RARB: variants seen among roughly 807,000 people sequenced by gnomAD.
The protein encoded by RARB is HBV-activated protein.
RARB carries 17 observed loss-of-function variants against 51.9 expected under a neutral mutation model. That is an observed-to-expected ratio of 0.33 (90% CI 0.22 to 0.49). The LOEUF is 0.49. RARB is among the 20% of genes least tolerant of loss of function. RARB has a pLI of 0.99. For synonymous variants in RARB, 215 were observed against 195.4 expected, an observed-to-expected ratio of 1.10 and a Z score of -0.84; for missense variants, 369 against 550.8, an observed-to-expected ratio of 0.67 and a Z score of 3.30.
At chr3:24,856,958 T>C (rs750974828) in intron 1 of RARB, among the ~76,000 whole-genome samples, 5 of 152,152 alleles carry the variant, frequency 3.3e-5, no homozygotes, top group Non-Finnish European at 7.4e-5. Context: ...GTAGAGAAAA[T>C]GCACCAAAGC....
At chr3:24,835,062 A>T (rs1050688145) in intron 1 of RARB, among the ~76,000 whole-genome samples, 1 of 151,990 alleles carries the variant, frequency 6.6e-6, no homozygotes, top group East Asian at 1.9e-4. Flanking sequence ...TCACTCTTAT[A>T]TAAGCAAAAA....
At chr3:24,872,577 C>CAT (rs1702967378) in intron 2 of RARB, among the ~76,000 whole-genome samples, 1 of 152,118 alleles carries the variant, frequency 6.6e-6, no homozygotes, top group South Asian at 2.1e-4. Context: ...AGTTGTGACA[C>CAT]ATGCTGAAAG....
chr3:24,876,063 T>A (rs1252291406), intron 2 of RARB, among the ~76,000 whole-genome samples: 6 of 152,132 alleles, frequency 3.9e-5, no homozygotes, highest in Non-Finnish European at 8.8e-5. Context: ...TTAACTAGAG[T>A]TCCATGGAAG....
intron 5 of RARB, among the ~76,000 whole-genome samples, chr3:25,406,876 C>G (rs115795344): frequency 4.3e-4 from 66 of 152,276 alleles, no homozygotes; most frequent in South Asian, 1.0e-3. Context: ...TTGAGCTCAT[C>G]ATTCATACCA....
At chr3:24,925,454 G>A (rs1695298692) in intron 2 of RARB, among the ~76,000 whole-genome samples, 1 of 151,774 alleles carries the variant, frequency 6.6e-6, no homozygotes, top group Non-Finnish European at 1.5e-5. Flanking sequence ...ACCAGCCTGG[G>A]AAATACGGCA....
chr3:25,156,986 G>T (rs1439161675), intron 4 of RARB, among the ~76,000 whole-genome samples: 2 of 152,176 alleles, frequency 1.3e-5, no homozygotes, highest in African/African-American at 4.8e-5. Context: ...TCAGTCAGCG[G>T]AAATAATGAC....
chr3:25,210,528 T>TC (rs1701666591), intron 5 of RARB, among the ~76,000 whole-genome samples: 1 of 126,890 alleles, frequency 7.9e-6, no homozygotes. Context: ...TTTATCTGAT[T>TC]CTTTTTTTTT....
intron 2 of RARB, among the ~76,000 whole-genome samples, chr3:24,938,918 T>C (rs1695599844): frequency 6.6e-6 from 1 of 152,208 alleles, no homozygotes; most frequent in African/African-American, 2.4e-5. Context: ...TTAAGGCGAA[T>C]AATATGCCAT....
chr3:25,214,389 T>G (rs1701770118), intron 5 of RARB, among the ~76,000 whole-genome samples: 1 of 152,196 alleles, frequency 6.6e-6, no homozygotes, highest in African/African-American at 2.4e-5. Flanking sequence ...AGAATATGAG[T>G]GCTTATAATA....
chr3:25,520,799 C>T (rs1188153265), intron 3 of RARB, among the ~76,000 whole-genome samples: 1 of 152,308 alleles, frequency 6.6e-6, no homozygotes, highest in Non-Finnish European at 1.5e-5. Flanking sequence ...CAGCTCATGA[C>T]AAACTTATTA....
intron 2 of RARB, among the ~76,000 whole-genome samples, chr3:24,909,755 G>T (rs1472745099): frequency 1.3e-5 from 2 of 152,068 alleles, no homozygotes; most frequent in African/African-American, 4.8e-5. Flanking sequence ...TGCTTACAAA[G>T]TATGTAACCT....
intron 2 of RARB, among the ~76,000 whole-genome samples, chr3:25,471,031 A>G (rs530062230): frequency 6.6e-6 from 1 of 152,354 alleles, no homozygotes; most frequent in South Asian, 2.1e-4. Flanking sequence ...GCATAATAAG[A>G]TATAATTGTA....
intron 3 of RARB, among the ~76,000 whole-genome samples, chr3:25,068,835 A>G (rs1046171938): frequency 6.6e-6 from 1 of 151,956 alleles, no homozygotes; most frequent in African/African-American, 2.4e-5. Flanking sequence ...TATCTTCAGG[A>G]TGGCCAATTC....
At position 24,980,772 on chromosome 3, in the gene RARB, G is replaced by A. The variant is rs188668671; in HGVS notation, c.-379-79353G>A. Among the ~76,000 whole-genome samples, 20 of 152,204 alleles carry A rather than the reference G, an allele frequency of 1.3e-4. No individual in the cohort carries two copies. The East Asian group carries it at 1.7e-3, about 13-fold the overall frequency. On this transcript the variant is annotated intron_variant, in intron 2 of 11. Coordinates refer to the RARB transcript ENST00000383772. ...TTCTGAAGCCTACTTCTGTCAACTC[G>A]TCAAACTCATTCTCTGTCCAGTTTT...
chr3:25,556,125 T>G (rs78550724), intron 3 of RARB, among the ~76,000 whole-genome samples: 7,703 of 152,262 alleles, frequency 0.051, 245 homozygotes, highest in Non-Finnish European at 0.075. Context: ...GAGATGGCTT[T>G]CTTTCTTTTC....
chr3:25,399,569 G>A (rs1420308074), intron 5 of RARB, among the ~76,000 whole-genome samples: 1 of 152,114 alleles, frequency 6.6e-6, no homozygotes, highest in East Asian at 1.9e-4. Flanking sequence ...GAAGGGAACT[G>A]GTACATATTT....
intron 5 of RARB, among the ~76,000 whole-genome samples, chr3:25,228,717 G>A (rs1038142397): frequency 1.3e-5 from 2 of 151,954 alleles, no homozygotes; most frequent in African/African-American, 4.8e-5. Flanking sequence ...AGTTCTCTAT[G>A]TGTGACTTTT....
At chr3:24,832,384 T>C (rs1216695676) in intron 1 of RARB, among the ~76,000 whole-genome samples, 3 of 152,052 alleles carry the variant, frequency 2.0e-5, no homozygotes, top group Admixed American at 6.6e-5. Context: ...TTTGTATATA[T>C]TTCAAGTACA....
At chr3:24,892,553 C>T (rs1006549899) in intron 2 of RARB, among the ~76,000 whole-genome samples, 2 of 152,188 alleles carry the variant, frequency 1.3e-5, no homozygotes, top group African/African-American at 4.8e-5. Context: ...GCAAATTTGT[C>T]TGTGAGCATT....
Sources: allele counts gnomAD v4.1 joint callset (sites outside exome capture counted in the v4.1 genomes callset), GRCh38; gene constraint gnomAD v4.1.1; transcripts MANE v1.5; gene names NCBI Gene and HGNC (gene_info 2026-07-23, HGNC 2026-07-21).